The following TECRL variants were observed in gnomAD, a reference collection of about 807,000 sequenced individuals.
TECRL encodes the protein trans-2,3-enoyl-CoA reductase like.
Under a neutral mutation model 52.8 loss-of-function variants are expected in TECRL, and 63 were observed. That is an observed-to-expected ratio of 1.19 (90% CI 0.97 to 1.47). TECRL has a LOEUF of 1.47. Ranked by LOEUF, TECRL falls within the 40% of genes most tolerant of loss-of-function variation. The pLI is 0.00. For synonymous variants in TECRL, 164 were observed against 141.9 expected (o/e 1.16, Z -1.10); for missense variants, 482 against 429.6 (o/e 1.12, Z -1.08).
intron 9 of TECRL, 36 bp from the exon 10 acceptor site, chr4:64,281,595 C>A: frequency 8.6e-7 from 1 of 1,164,760 alleles, no homozygotes; most frequent in Non-Finnish European, 1.3e-6. Context: ...AATGATGCTA[C>A]ACATTGCAAA....
intron 2 of TECRL, among the ~76,000 whole-genome samples, chr4:64,344,088 A>G (rs1470053800): frequency 2.6e-5 from 4 of 152,070 alleles, no homozygotes; most frequent in Non-Finnish European, 4.4e-5. Context: ...TACCATTTGC[A>G]TTGATTTGTT....
Position 64,289,781 on chromosome 4 carries a change from T to C in TECRL, c.775-14A>G. ...AGCTTCACAAATCTGCAAAACATTT[T>C]AAACACTTTCAGTGTGATACACCTC... On this transcript the variant is annotated splice_polypyrimidine_tract_variant and intron_variant, in intron 8 of 11. Coordinates refer to ENST00000381210, the MANE Select transcript of TECRL (RefSeq NM_001010874.5). 6.5e-7 allele frequency: 1 copy of C among 1,538,658 alleles called. No individual in the cohort carries two copies. Among genetic ancestry groups the C allele is most frequent in the Non-Finnish European group, 8.7e-7 (1 of 1,151,250 alleles).
At chr4:64,300,426 C>T (rs900901089) in intron 7 of TECRL, among the ~76,000 whole-genome samples, 3 of 150,158 alleles carry the variant, frequency 2.0e-5, no homozygotes, top group African/African-American at 7.3e-5. Context: ...GATGTTTTGT[C>T]ACAGGTAGAA....
chr4:64,404,341 C>G (rs1047348071), intron 1 of TECRL, among the ~76,000 whole-genome samples: 2 of 151,834 alleles, frequency 1.3e-5, no homozygotes, highest in Non-Finnish European at 2.9e-5. Flanking sequence ...AACTCAGGCT[C>G]TTAGAGTTCT....
intron 2 of TECRL, among the ~76,000 whole-genome samples, chr4:64,366,163 T>G (rs990679066): frequency 1.3e-5 from 2 of 152,088 alleles, no homozygotes; most frequent in African/African-American, 4.8e-5. Flanking sequence ...AAACGGCACA[T>G]GGATAACTGG....
intron 2 of TECRL, among the ~76,000 whole-genome samples, chr4:64,343,759 G>T (rs1304981347): frequency 5.3e-5 from 8 of 152,022 alleles, no homozygotes; most frequent in African/African-American, 1.9e-4. Context: ...ATGGAAGAAT[G>T]ATTTTCTTTC....
chr4:64,397,587 C>T (rs897760690), intron 1 of TECRL: 1 of 151,632 alleles, frequency 6.6e-6, no homozygotes, highest in Non-Finnish European at 1.5e-5. Flanking sequence ...AACTATGAAC[C>T]AGGAAGCTGG....
chr4:64,406,169 T>C (rs1166076018), intron 1 of TECRL, among the ~76,000 whole-genome samples: 3 of 149,090 alleles, frequency 2.0e-5, no homozygotes, highest in African/African-American at 7.3e-5. Context: ...CGCGCGCGTG[T>C]GTGTGTGTGT....
At chr4:64,386,545 G>T (rs536077781) in intron 1 of TECRL, among the ~76,000 whole-genome samples, 82 of 152,148 alleles carry the variant, frequency 5.4e-4, no homozygotes, top group African/African-American at 1.9e-3. Context: ...TATGGGAAGT[G>T]ATTTTTGGAT....
At chr4:64,355,578 G>C (rs145940130) in intron 2 of TECRL, among the ~76,000 whole-genome samples, 7,268 of 151,872 alleles carry the variant, frequency 0.048, 571 homozygotes, top group African/African-American at 0.17. Context: ...GTGGGCAGAT[G>C]ACGATGTCAG....
chr4:64,305,224 G>C lies in TECRL; in HGVS notation c.672C>G (p.Tyr224Ter). ...LKNLIMSCAFYWGFTSWIAYY... is the reference protein window; with the variant it reads ...LKNLIMSCAF ...AGGCAATCCAAGAAGTAAATCCCCA[G>C]TAAAAGGCACAACTCTGCAAACAAA... The change falls in exon 7 of 12, where the codon TAC becomes TAG. Residue 224 changes from tyrosine to a stop codon, truncating the protein, a stop_gained. Transcript: ENST00000381210. LOFTEE classifies it high-confidence loss of function. 1 of 1,612,706 alleles carries C rather than the reference G, an allele frequency of 6.2e-7. No individual in the cohort carries two copies. The highest frequency in any genetic ancestry group is 8.5e-7 in the Non-Finnish European group (1 of 1,179,222).
chr4:64,357,683 A>C (rs1332276316), intron 2 of TECRL, among the ~76,000 whole-genome samples: 1 of 151,578 alleles, frequency 6.6e-6, no homozygotes, highest in African/African-American at 2.4e-5. Flanking sequence ...CAGATATTTT[A>C]TGTAGAAAAT....
chr4:64,288,955 C>G (rs1577805756), intron 9 of TECRL, among the ~76,000 whole-genome samples: 1 of 152,182 alleles, frequency 6.6e-6, no homozygotes, highest in African/African-American at 2.4e-5. Context: ...TGACCTCTCA[C>G]TAACTGACTA....
At chr4:64,307,452 G>A (rs1577841610) in intron 6 of TECRL, among the ~76,000 whole-genome samples, 1 of 152,132 alleles carries the variant, frequency 6.6e-6, no homozygotes, top group Non-Finnish European at 1.5e-5. Flanking sequence ...TATAAAGGTT[G>A]CTGGGACCCA....
At chr4:64,383,626 C>G (rs1348580770) in intron 1 of TECRL, among the ~76,000 whole-genome samples, 1 of 151,638 alleles carries the variant, frequency 6.6e-6, no homozygotes, top group Non-Finnish European at 1.5e-5. Context: ...TGTTAAATTT[C>G]TAATTTAGAT....
intron 2 of TECRL, 141 bp downstream of exon 2, chr4:64,375,031 T>C (rs1560539624): frequency 2.7e-6 from 1 of 371,870 alleles, no homozygotes; most frequent in Non-Finnish European, 4.9e-6. Context: ...CAAAGAAATA[T>C]TAAGCAAACT....
intron 1 of TECRL, among the ~76,000 whole-genome samples, chr4:64,387,778 C>A (rs953547848): frequency 1.6e-4 from 24 of 151,902 alleles, no homozygotes; most frequent in Admixed American, 1.1e-3. Flanking sequence ...ATTGATAAAA[C>A]TATGTGATTT....
intron 8 of TECRL, among the ~76,000 whole-genome samples, chr4:64,290,750 A>T (rs1723335078): frequency 6.6e-6 from 1 of 152,168 alleles, no homozygotes; most frequent in African/African-American, 2.4e-5. Context: ...TTGAAAGAGA[A>T]AATTTAAATC....
At chr4:64,297,257 C>T (rs866716254) in intron 8 of TECRL, among the ~76,000 whole-genome samples, 32 of 151,346 alleles carry the variant, frequency 2.1e-4, no homozygotes, top group Middle Eastern at 3.7e-3. Context: ...CATGGGTAAT[C>T]GAGAATTAAC....
Sources: gnomAD v4.1 joint callset for allele counts (sites outside exome capture counted in the v4.1 genomes callset) on GRCh38, gnomAD v4.1.1 for gene constraint, MANE v1.5 for transcripts, NCBI Gene and HGNC (gene_info 2026-07-23, HGNC 2026-07-21) for gene names.